The following HS3ST4 variants were observed in gnomAD, a reference collection of about 807,000 sequenced individuals.
HS3ST4 encodes heparan sulfate-glucosamine 3-sulfotransferase 4.
A neutral mutation model predicts 29.2 loss-of-function variants in HS3ST4; 17 were observed. The ratio of observed to expected loss-of-function variants is 0.58; its 90% CI spans 0.40 to 0.87. The LOEUF (loss-of-function observed/expected upper bound fraction) is 0.87, where lower values mean the gene tolerates loss of function less well. Ranked by LOEUF, HS3ST4 falls within the 40% of genes least tolerant of loss-of-function variation. HS3ST4 has a pLI of 0.00. For missense variants in HS3ST4, 627 were observed against 634.5 expected (o/e 0.99, Z 0.13); for synonymous variants, 314 against 285.7 (o/e 1.10, Z -1.00).
chr16:25,884,411 G>A (rs762234955), intron 1 of HS3ST4, among the ~76,000 whole-genome samples: 9 of 152,184 alleles, frequency 5.9e-5, no homozygotes, highest in Non-Finnish European at 8.8e-5. Context: ...ACACACATGT[G>A]CCCGCAGGCA....
intron 1 of HS3ST4, among the ~76,000 whole-genome samples, chr16:26,036,084 A>G (rs548115060): frequency 3.9e-5 from 6 of 152,382 alleles, no homozygotes; most frequent in African/African-American, 1.4e-4. Flanking sequence ...TCAAGGACCT[A>G]TACAGGTGGG....
At chr16:25,763,381 A>G (rs1966800415) in intron 1 of HS3ST4, among the ~76,000 whole-genome samples, 1 of 152,136 alleles carries the variant, frequency 6.6e-6, no homozygotes, top group Admixed American at 6.5e-5. Flanking sequence ...GCAGACTTCT[A>G]CCAGATTATG....
intron 1 of HS3ST4, chr16:25,933,302 A>C (rs1414268004): frequency 2.1e-6 from 1 of 483,840 alleles, no homozygotes. Context: ...TAGACAGCGG[A>C]TTAGAAAAGG....
rs898411458 is a variant in HS3ST4 at position 25,941,158 on chromosome 16, G to GT, written c.735-194447dup. 3.3e-5 allele frequency among the ~76,000 whole-genome samples: 5 copies of GT among 152,020 alleles called. No individual in the cohort carries two copies. In the East Asian group the frequency reaches 5.8e-4, roughly 18 times the overall value. ...ATACCCTGTTTTTTTGTTTTGTTTT[G>GT]TTTTTTTGTTAGTTTGTTTGTTTTG... On this transcript the variant is annotated intron_variant, in intron 1 of 1. Coordinates refer to ENST00000331351, the MANE Select transcript of HS3ST4 (RefSeq NM_006040.3).
chr16:25,785,406 G>A (rs1370657907), intron 1 of HS3ST4, among the ~76,000 whole-genome samples: 1 of 152,154 alleles, frequency 6.6e-6, no homozygotes, highest in African/African-American at 2.4e-5. Context: ...CTCGAAGCAT[G>A]TGCCATTACC....
rs1047190171 is a variant in HS3ST4 at position 25,859,899 on chromosome 16, C to T, written c.734+166748C>T. Among the ~76,000 whole-genome samples, 19 of 152,224 alleles carry T rather than the reference C, an allele frequency of 1.2e-4. No individual in the cohort carries two copies. The East Asian group carries it at 3.1e-3, about 25-fold the overall frequency. On this transcript the variant is annotated intron_variant, in intron 1 of 1. Transcript: ENST00000331351. ...AGTCTGTGGCCTGTTAGGATCCAGCCGCACAGTGGAAGGTGAGTGGCAGAT... is the reference window on the plus strand; with the variant it reads ...AGTCTGTGGCCTGTTAGGATCCAGCTGCACAGTGGAAGGTGAGTGGCAGAT...
chr16:25,979,852 C>T (rs913632899), intron 1 of HS3ST4, among the ~76,000 whole-genome samples: 1 of 152,198 alleles, frequency 6.6e-6, no homozygotes, highest in African/African-American at 2.4e-5. Context: ...GAAGTGGCTG[C>T]TTCTCTTCCT....
chr16:25,789,373 TTC>T (rs1224565591), intron 1 of HS3ST4, among the ~76,000 whole-genome samples: 1 of 148,254 alleles, frequency 6.7e-6, no homozygotes, highest in Non-Finnish European at 1.5e-5. Context: ...CTCTCTCTCT[TTC>T]TCTTTCTTTC....
intron 1 of HS3ST4, among the ~76,000 whole-genome samples, chr16:25,769,817 A>G (rs747401542): frequency 1.3e-5 from 2 of 151,504 alleles, no homozygotes; most frequent in Non-Finnish European, 2.9e-5. Flanking sequence ...TGTAGATGCC[A>G]GAGATGAACC....
chr16:26,057,331 C>T (rs1898421641), intron 1 of HS3ST4, among the ~76,000 whole-genome samples: 1 of 152,168 alleles, frequency 6.6e-6, no homozygotes, highest in Admixed American at 6.5e-5. Flanking sequence ...AAGGTAGGGC[C>T]TTTCACAGGT....
intron 1 of HS3ST4, among the ~76,000 whole-genome samples, chr16:25,955,304 A>T (rs1483172957): frequency 6.6e-6 from 1 of 152,178 alleles, no homozygotes; most frequent in Non-Finnish European, 1.5e-5. Context: ...AGGGGACAAG[A>T]CAAGACAGCC....
intron 1 of HS3ST4, among the ~76,000 whole-genome samples, chr16:25,788,762 A>G (rs1966862005): frequency 6.6e-6 from 1 of 150,630 alleles, no homozygotes; most frequent in Admixed American, 6.6e-5. Context: ...CTGGTCTTGA[A>G]CCCCTGAGCT....
intron 1 of HS3ST4, among the ~76,000 whole-genome samples, chr16:25,932,150 C>CA (rs763204088): frequency 1.3e-5 from 2 of 152,034 alleles, no homozygotes; most frequent in East Asian, 3.9e-4. Flanking sequence ...CCTGTCTGTA[C>CA]AAAAAATACA....
At chr16:25,760,425 T>TTA (rs1966782338) in intron 1 of HS3ST4, among the ~76,000 whole-genome samples, 1 of 150,220 alleles carries the variant, frequency 6.7e-6, no homozygotes, top group African/African-American at 2.4e-5. Flanking sequence ...GACTCCATGT[T>TTA]TTTTTTTTTT....
chr16:25,810,443 G>T lies in HS3ST4; in HGVS notation c.734+117292G>T, dbSNP rs140987741. ...AATATATATTCTGCTGTTGTTGGGT[G>T]GAGTGCTACATATAGGCCAGCGAGA... On this transcript the variant is annotated intron_variant, in intron 1 of 1. Transcript: ENST00000331351. Among the ~76,000 whole-genome samples the T allele has an allele frequency of 4.2e-4, 64 of 152,222 alleles. 1 individual carries two copies. In the East Asian group the frequency reaches 0.012, roughly 28 times the overall value.
chr16:26,031,194 G>A (rs72778368), intron 1 of HS3ST4, among the ~76,000 whole-genome samples: 6,764 of 152,168 alleles, frequency 0.044, 167 homozygotes, highest in Middle Eastern at 0.15. Context: ...GCTGGGATTG[G>A]GAAGTGATTT....
intron 1 of HS3ST4, among the ~76,000 whole-genome samples, chr16:26,129,343 C>T (rs1357593684): frequency 6.6e-6 from 1 of 152,224 alleles, no homozygotes; most frequent in African/African-American, 2.4e-5. Context: ...TGAGGTTTTA[C>T]AGTTTGGTTA....
chr16:25,905,150 G>A (rs184106079), intron 1 of HS3ST4, among the ~76,000 whole-genome samples: 1 of 152,230 alleles, frequency 6.6e-6, no homozygotes, highest in Admixed American at 6.5e-5. Flanking sequence ...CTCTCTATGA[G>A]GAGCTGGGTG....
intron 1 of HS3ST4, among the ~76,000 whole-genome samples, chr16:25,857,981 GTCTT>G (rs5816328): frequency 7.5e-6 from 1 of 134,224 alleles, no homozygotes; most frequent in Non-Finnish European, 1.6e-5. Flanking sequence ...TCTCTTTTCT[GTCTT>G]TCTTTTTCTT....
Sources: allele counts gnomAD v4.1 joint callset (sites outside exome capture counted in the v4.1 genomes callset), GRCh38; gene constraint gnomAD v4.1.1; transcripts MANE v1.5; gene names NCBI Gene and HGNC (gene_info 2026-07-23, HGNC 2026-07-21).